Variants in FSHR observed in about 807,000 individuals in gnomAD.
The protein encoded by FSHR is follicle stimulating hormone receptor.
In FSHR, 46 loss-of-function variants were observed where a neutral mutation model predicts 52.1. The ratio of observed to expected loss-of-function variants is 0.88; its 90% CI spans 0.70 to 1.13. FSHR has a LOEUF of 1.13. FSHR is among the 50% of genes most tolerant of loss of function. FSHR has a pLI of 0.00. For synonymous variants in FSHR, 399 were observed against 309.6 expected (o/e 1.29, Z -3.03); for missense variants, 964 against 834.6 (o/e 1.16, Z -1.91).
chr2:49,087,868 A>G (rs1670458795), intron 1 of FSHR, among the ~76,000 whole-genome samples: 1 of 152,226 alleles, frequency 6.6e-6, no homozygotes, highest in East Asian at 1.9e-4. Flanking sequence ...TTCCTTCTCT[A>G]CCAATTTTAA....
Position 48,962,728 on chromosome 2 carries a change from G to T in FSHR, c.*5C>A, listed in dbSNP as rs776752284. On this transcript the variant is annotated 3_prime_UTR_variant, in exon 10 of 10. Coordinates refer to ENST00000406846, the MANE Select transcript of FSHR (RefSeq NM_000145.4). Reference sequence around the variant, plus strand: ...CAATACTCAGATACATTTTCACATTGTGTTTTAGTTTTGGGCTAAATGACT... The same window carrying T: ...CAATACTCAGATACATTTTCACATTTTGTTTTAGTTTTGGGCTAAATGACT... 5 of 1,612,170 alleles carry T rather than the reference G, an allele frequency of 3.1e-6. No homozygotes were observed. Among genetic ancestry groups the T allele is most frequent in the Non-Finnish European group, 3.4e-6 (4 of 1,178,374 alleles).
chr2:49,132,771 C>T (rs1017701531), intron 1 of FSHR, among the ~76,000 whole-genome samples: 4 of 151,968 alleles, frequency 2.6e-5, no homozygotes, highest in African/African-American at 9.7e-5. Context: ...TTACTCTCTG[C>T]TTTGCCTGGT....
intron 1 of FSHR, among the ~76,000 whole-genome samples, chr2:49,133,007 G>A (rs1672346590): frequency 1.4e-5 from 2 of 140,790 alleles, no homozygotes; most frequent in South Asian, 4.4e-4. Context: ...GCAAGTTTGT[G>A]GTATTTGAAC....
intron 2 of FSHR, among the ~76,000 whole-genome samples, chr2:49,054,079 T>C (rs1024779791): frequency 6.6e-6 from 1 of 152,208 alleles, no homozygotes; most frequent in East Asian, 1.9e-4. Context: ...TTCTGCAATA[T>C]CTTTTTTCTA....
At chr2:49,111,551 AG>A (rs1381764421) in intron 1 of FSHR, among the ~76,000 whole-genome samples, 1 of 152,178 alleles carries the variant, frequency 6.6e-6, no homozygotes, top group East Asian at 1.9e-4. Context: ...TCTCAAAAGA[AG>A]GTGAAAAATA....
At chr2:49,022,455 G>A (rs1158484575) in intron 2 of FSHR, among the ~76,000 whole-genome samples, 1 of 152,086 alleles carries the variant, frequency 6.6e-6, no homozygotes, top group Non-Finnish European at 1.5e-5. Flanking sequence ...GTCCTTCAAT[G>A]AGAAATTTAG....
At position 49,129,766 on chromosome 2, in the gene FSHR, T is replaced by C. The variant is rs190324151; in HGVS notation, c.152+24500A>G. ...TTATCTCAAAAACCTTTAGTTTATATAGTATTCTCATAAATTAGAATCCTG... is the reference window on the plus strand; with the variant it reads ...TTATCTCAAAAACCTTTAGTTTATACAGTATTCTCATAAATTAGAATCCTG... On this transcript the variant is annotated intron_variant, in intron 1 of 9. Coordinates refer to ENST00000406846, the MANE Select transcript of FSHR (RefSeq NM_000145.4). 3.3e-5 allele frequency among the ~76,000 whole-genome samples: 5 copies of C among 152,334 alleles called. No homozygotes were observed. In the East Asian group the frequency reaches 9.6e-4, roughly 29 times the overall value.
At chr2:48,997,115 G>C (rs1046145061) in intron 4 of FSHR, 2 of 559,780 alleles carry the variant, frequency 3.6e-6, no homozygotes, top group Non-Finnish European at 4.5e-6. Flanking sequence ...TCAACTTAAG[G>C]TTTAGAGACC....
chr2:49,104,064 A>T (rs183667978), intron 1 of FSHR, among the ~76,000 whole-genome samples: 169 of 152,162 alleles, frequency 1.1e-3, no homozygotes, highest in African/African-American at 4.0e-3. Context: ...AGATGATAGT[A>T]TCAGTAATCA....
At chr2:48,974,925 G>A (rs1373076150) in intron 8 of FSHR, among the ~76,000 whole-genome samples, 1 of 152,004 alleles carries the variant, frequency 6.6e-6, no homozygotes, top group Non-Finnish European at 1.5e-5. Context: ...AAAATCAGAT[G>A]TTTGATTTTA....
chr2:49,122,480 C>T (rs939544394), intron 1 of FSHR, among the ~76,000 whole-genome samples: 4 of 152,170 alleles, frequency 2.6e-5, no homozygotes, highest in Non-Finnish European at 5.9e-5. Flanking sequence ...AGTCTGATCA[C>T]TTCTTCCTTG....
chr2:49,032,869 T>C (rs1668148188), intron 2 of FSHR, among the ~76,000 whole-genome samples: 1 of 152,188 alleles, frequency 6.6e-6, no homozygotes, highest in Admixed American at 6.5e-5. Context: ...TACATTGTCT[T>C]TATTTATTTT....
At chr2:48,977,353 A>G (rs544462491) in intron 8 of FSHR, among the ~76,000 whole-genome samples, 1 of 152,322 alleles carries the variant, frequency 6.6e-6, no homozygotes, top group South Asian at 2.1e-4. Context: ...TAGGATTTAT[A>G]TGAGCAGAAG....
At chr2:48,987,921 C>G (rs1391146319) in intron 6 of FSHR, among the ~76,000 whole-genome samples, 1 of 152,016 alleles carries the variant, frequency 6.6e-6, no homozygotes, top group East Asian at 1.9e-4. Flanking sequence ...CAGTATCACT[C>G]ACCTATAGCT....
intron 2 of FSHR, among the ~76,000 whole-genome samples, chr2:49,033,789 G>A (rs181404539): frequency 1.5e-4 from 23 of 152,262 alleles, no homozygotes; most frequent in Middle Eastern, 6.8e-3. Context: ...GAGGGGAGGG[G>A]ATTACATTTT....
At chr2:49,096,920 C>T (rs940903690) in intron 1 of FSHR, among the ~76,000 whole-genome samples, 12 of 152,174 alleles carry the variant, frequency 7.9e-5, no homozygotes, top group African/African-American at 2.4e-4. Flanking sequence ...TGCCTACTCC[C>T]ACTTTACCTT....
chr2:49,099,797 T>A (rs1291994168), intron 1 of FSHR, among the ~76,000 whole-genome samples: 1 of 152,112 alleles, frequency 6.6e-6, no homozygotes, highest in African/African-American at 2.4e-5. Context: ...GAACTGTTGT[T>A]CCCTTAGAAC....
chr2:49,106,040 T>A (rs1671209000), intron 1 of FSHR, among the ~76,000 whole-genome samples: 1 of 152,218 alleles, frequency 6.6e-6, no homozygotes, highest in African/African-American at 2.4e-5. Flanking sequence ...CTCTGCCTTC[T>A]GAGCAGCTTA....
At chr2:48,975,835 T>A (rs1358693113) in intron 8 of FSHR, among the ~76,000 whole-genome samples, 1 of 152,214 alleles carries the variant, frequency 6.6e-6, no homozygotes, top group Non-Finnish European at 1.5e-5. Flanking sequence ...GCACATTGAT[T>A]TTGTATCCTG....
Sources: allele counts gnomAD v4.1 joint callset (sites outside exome capture counted in the v4.1 genomes callset), GRCh38; gene constraint gnomAD v4.1.1; transcripts MANE v1.5; gene names NCBI Gene and HGNC (gene_info 2026-07-23, HGNC 2026-07-21).